SYT11: variants seen among roughly 807,000 people sequenced by gnomAD.
SYT11 encodes synaptotagmin 11.
In SYT11, 12 loss-of-function variants were observed where a neutral mutation model predicts 30.4. The ratio of observed to expected loss-of-function variants is 0.39; its 90% CI spans 0.25 to 0.64. The LOEUF (loss-of-function observed/expected upper bound fraction) is 0.64. Ranked by LOEUF, SYT11 falls within the 30% of genes least tolerant of loss-of-function variation. The probability of loss-of-function intolerance (pLI) is 0.45; values close to 1 mark genes in which losing one functional copy is unlikely to be tolerated. For missense variants in SYT11, 412 were observed against 552.0 expected, an observed-to-expected ratio of 0.75 and a Z score of 2.54; for synonymous variants, 204 against 216.0, an observed-to-expected ratio of 0.94 and a Z score of 0.49.
chr1:155,881,745 T>G lies in SYT11; in HGVS notation c.*237T>G. On this transcript the variant is annotated 3_prime_UTR_variant, in exon 4 of 4. Transcript: ENST00000368324. ...ATCTTTTATTTTACTTTATTTTTTT[T>G]GAGGTGGAGTTTCGCTCTTGTTGCC... 1 of 354,894 alleles carries G rather than the reference T, an allele frequency of 2.8e-6. No individual in the cohort carries two copies. The highest frequency in any genetic ancestry group is 4.9e-5 in the East Asian group (1 of 20,428). The allele number at this position is 354,894 out of a possible 1,614,324, so 22.0% of individuals were successfully genotyped here.
intron 1 of SYT11, among the ~76,000 whole-genome samples, chr1:155,862,209 C>T (rs1672604035): frequency 1.3e-5 from 2 of 152,222 alleles, no homozygotes; most frequent in African/African-American, 4.8e-5. Context: ...CAAGCCAACA[C>T]TCAATTATCC....
At chr1:155,877,292 T>C (rs1476268655) in intron 2 of SYT11, among the ~76,000 whole-genome samples, 1 of 150,952 alleles carries the variant, frequency 6.6e-6, no homozygotes, top group Non-Finnish European at 1.5e-5. Flanking sequence ...CTAGTAGAGA[T>C]GAGGTTTCAC....
Position 155,860,765 on chromosome 1 carries a change from G to A in SYT11, c.34+970G>A, listed in dbSNP as rs1162092350. On this transcript the variant is annotated intron_variant, in intron 1 of 3. Transcript: ENST00000368324. The surrounding 1 kb of genome is among the most constrained non-coding windows in gnomAD (Gnocchi z 4.1). The stretch of plus-strand genomic sequence containing the variant: ...GAGCAGAAAGTGGAGTGGAAAATAG[G>A]GAAGAAGGTGGCAAAGACAAGCTTG... Among the ~76,000 whole-genome samples the A allele has an allele frequency of 6.6e-6, 1 of 152,222 alleles. No homozygotes were observed. The highest frequency in any genetic ancestry group is 2.4e-5 in the African/African-American group (1 of 41,450).
intron 2 of SYT11, among the ~76,000 whole-genome samples, chr1:155,869,570 C>T (rs1557947831): frequency 6.6e-6 from 1 of 152,160 alleles, no homozygotes; most frequent in Non-Finnish European, 1.5e-5. Flanking sequence ...CTGCACCCAG[C>T]CGTCATGCAC....
In SYT11 at chr1:155,859,644, GATACC is replaced by G; in HGVS notation, c.-117_-113del. On this transcript the variant is annotated 5_prime_UTR_variant, in exon 1 of 4. Transcript: ENST00000368324. ...GGACCGTCGCAGGAGGCGTCCGCTG[GATACC>G]TTCCCCCTTCCCTGACCTAGAGCTC... 1.0e-6 allele frequency: 1 copy of G among 983,134 alleles called. No individual in the cohort carries two copies. The highest frequency in any genetic ancestry group is 1.6e-6 in the Non-Finnish European group (1 of 614,344). 60.9% of individuals were successfully genotyped at this position (983,134 alleles called of 1,614,324 possible).
intron 2 of SYT11, among the ~76,000 whole-genome samples, chr1:155,873,586 T>G (rs1471167967): frequency 1.3e-5 from 2 of 152,200 alleles, no homozygotes; most frequent in Non-Finnish European, 1.5e-5. Context: ...ATTTTATTAT[T>G]ATTCATGGAA....
At position 155,880,708 on chromosome 1, in the gene SYT11, A is replaced by G. The variant is rs187533096; in HGVS notation, c.985+85A>G. 355 of 1,517,220 alleles carry G rather than the reference A, an allele frequency of 2.3e-4. No individual in the cohort carries two copies. The East Asian group carries it at 7.6e-3, about 32-fold the overall frequency. The allele number at this position is 1,517,220 out of a possible 1,614,324, so 94.0% of individuals were successfully genotyped here. On this transcript the variant is annotated intron_variant, in intron 3 of 3. Transcript: ENST00000368324. ...GGCCCAGATAGACCTCCACACTTCA[A>G]GATCCTTGCCTCTTTCACTTTTAAT...
At chr1:155,862,099 C>A (rs1227545587) in intron 1 of SYT11, among the ~76,000 whole-genome samples, 2 of 152,220 alleles carry the variant, frequency 1.3e-5, no homozygotes, top group Non-Finnish European at 2.9e-5. Flanking sequence ...GGTCTTTAAA[C>A]CATTACAGAG....
intron 2 of SYT11, among the ~76,000 whole-genome samples, chr1:155,876,797 C>CT (rs1471108129): frequency 4.0e-5 from 6 of 151,192 alleles, no homozygotes; most frequent in Admixed American, 4.0e-4. Context: ...ACGAAGTCTG[C>CT]TTTTTTGAGA....
chr1:155,864,972 A>G (rs567644810), intron 1 of SYT11, among the ~76,000 whole-genome samples: 1 of 152,002 alleles, frequency 6.6e-6, no homozygotes, highest in South Asian at 2.1e-4. Flanking sequence ...CAGCCTCCCA[A>G]AGTGCTGGGA....
chr1:155,869,950 C>T (rs745708796), intron 2 of SYT11, among the ~76,000 whole-genome samples: 38 of 152,196 alleles, frequency 2.5e-4, no homozygotes, highest in Non-Finnish European at 3.4e-4. Context: ...GTGAGTTACT[C>T]GACCCCTCTA....
chr1:155,870,807 C>G (rs1672769422), intron 2 of SYT11, among the ~76,000 whole-genome samples: 1 of 152,182 alleles, frequency 6.6e-6, no homozygotes, highest in Admixed American at 6.5e-5. Flanking sequence ...TAGTAGGCAC[C>G]TGTCCCCCTG....
At position 155,881,307 on chromosome 1, in the gene SYT11, C is replaced by T. The variant is rs763984774; in HGVS notation, c.1095C>T (p.Tyr365=). The T allele has an allele frequency of 9.9e-6, 16 of 1,614,060 alleles. No homozygotes were observed. Among genetic ancestry groups the T allele is most frequent in the South Asian group, 3.3e-5 (3 of 91,080 alleles). ...LNPIFNESFI[Y]DIPTDLLPDI... ...CCATCTTCAATGAATCTTTCATCTACGACATCCCCACTGACCTCCTGCCTG... is the reference window on the plus strand; with the variant it reads ...CCATCTTCAATGAATCTTTCATCTATGACATCCCCACTGACCTCCTGCCTG... The change falls in exon 4 of 4, where the codon TAC becomes TAT. Residue 365 remains tyrosine (Y), a synonymous_variant. Transcript: ENST00000368324.
chr1:155,861,348 C>T (rs994579763), intron 1 of SYT11, among the ~76,000 whole-genome samples: 12 of 152,134 alleles, frequency 7.9e-5, no homozygotes, highest in Admixed American at 6.5e-4. Context: ...TATTCCCTTC[C>T]AACAGATTCC....
intron 2 of SYT11, among the ~76,000 whole-genome samples, chr1:155,875,922 A>G (rs916234539): frequency 1.3e-5 from 2 of 152,328 alleles, no homozygotes; most frequent in Admixed American, 1.3e-4. Context: ...TGCACCAGAC[A>G]TACCTGAGTA....
chr1:155,860,946 A>G lies in SYT11; in HGVS notation c.34+1151A>G, dbSNP rs753767835. ...GGGAAGCCAGTGAGAGTTGCTGCCAAAGAACCTTCTTATTCCTTCAGGGAT... is the reference window on the plus strand; with the variant it reads ...GGGAAGCCAGTGAGAGTTGCTGCCAGAGAACCTTCTTATTCCTTCAGGGAT... On this transcript the variant is annotated intron_variant, in intron 1 of 3. Coordinates refer to ENST00000368324, the MANE Select transcript of SYT11 (RefSeq NM_152280.5). This position sits in a 1 kb window ranked among gnomAD's most constrained non-coding sequence, Gnocchi z 4.1. Among the ~76,000 whole-genome samples the G allele has an allele frequency of 2.0e-5, 3 of 152,160 alleles. No individual in the cohort carries two copies. The highest frequency in any genetic ancestry group is 4.4e-5 in the Non-Finnish European group (3 of 68,018).
chr1:155,868,428 C>T lies in SYT11; in HGVS notation c.498C>T (p.Asp166=). The T allele has an allele frequency of 1.2e-6, 2 of 1,614,114 alleles. No individual in the cohort carries two copies. The highest frequency in any genetic ancestry group is 1.3e-5 in the African/African-American group (1 of 75,022). ...VMLGSLTFSV[D]YNFPKKALVV... is the part of the protein sequence containing the mutation. ...TAGGATCCCTCACCTTCTCAGTGGA[C>T]TATAACTTCCCGAAAAAAGCCCTGG... Residue 166 remains aspartate, a synonymous_variant, in exon 2 of 4, where the codon GAC becomes GAT. Transcript: ENST00000368324. The surrounding 1 kb of genome is among the most constrained non-coding windows in gnomAD (Gnocchi z 4.7).
chr1:155,860,212 G>A lies in SYT11; in HGVS notation c.34+417G>A, dbSNP rs1395735733. The stretch of plus-strand genomic sequence containing the variant: ...TCCCATTCCTAAGGGCTGCGGGGGA[G>A]GGAAGTGACAAGGGGGATGGGGCAT... On this transcript the variant is annotated intron_variant, in intron 1 of 3. Coordinates refer to ENST00000368324, the MANE Select transcript of SYT11 (RefSeq NM_152280.5). The surrounding 1 kb of genome is among the most constrained non-coding windows in gnomAD (Gnocchi z 4.1). Among the ~76,000 whole-genome samples, 2 of 152,230 alleles carry A rather than the reference G, an allele frequency of 1.3e-5. No individual in the cohort carries two copies. The highest frequency in any genetic ancestry group is 4.8e-5 in the African/African-American group (2 of 41,462).
Position 155,868,610 on chromosome 1 carries a change from T to C in SYT11, c.680T>C (p.Phe227Ser). Reference protein sequence around the residue: ...KTLDPVFDETFTFYGIPYSQL... With the variant: ...KTLDPVFDETSTFYGIPYSQL... Reference sequence around the variant, plus strand: ...CTGGACCCTGTGTTTGACGAGACCTTCACCTTCTATGGCATCCCCTACAGC... The same window carrying C: ...CTGGACCCTGTGTTTGACGAGACCTCCACCTTCTATGGCATCCCCTACAGC... Residue 227 changes from phenylalanine (F) to serine (S), a missense_variant, in exon 2 of 4, where the codon TTC (phenylalanine) becomes TCC (serine). Physicochemically the swap from Phe to Ser is radical, Grantham distance 155 (BLOSUM62 -2). Transcript: ENST00000368324. The surrounding 1 kb of genome is among the most constrained non-coding windows in gnomAD (Gnocchi z 4.7). 1 of 1,614,096 alleles carries C rather than the reference T, an allele frequency of 6.2e-7. No homozygotes were observed.
Sources: gnomAD v4.1 joint callset for allele counts (sites outside exome capture counted in the v4.1 genomes callset) on GRCh38, gnomAD v4.1.1 for gene constraint, Gnocchi (gnomAD v3.1) non-coding constraint, MANE v1.5 for transcripts, NCBI Gene and HGNC (gene_info 2026-07-23, HGNC 2026-07-21) for gene names.